Variants in ZNF264 observed in about 807,000 individuals in gnomAD.
ZNF264 encodes the protein zinc finger protein 264.
ZNF264 carries 11 observed loss-of-function variants against 11.2 expected under a neutral mutation model. The observed-to-expected ratio is 0.98, with a 90% CI of 0.62 to 1.63. ZNF264 has a LOEUF of 1.63. Among genes scored for constraint, ZNF264 ranks in the 40% most tolerant of loss-of-function variants. The pLI is 0.00. For missense variants in ZNF264, 752 were observed against 768.1 expected, an observed-to-expected ratio of 0.98 and a Z score of 0.25; for synonymous variants, 309 against 279.8, an observed-to-expected ratio of 1.10 and a Z score of -1.04.
At position 57,191,975 on chromosome 19, in the gene ZNF264, G is replaced by T. The variant is rs775545974; in HGVS notation, c.33+29G>T. On this transcript the variant is annotated intron_variant, in intron 1 of 3. Coordinates refer to ENST00000263095, the MANE Select transcript of ZNF264 (RefSeq NM_003417.5). ...AGTGGACGGTGGCTTCGCGGTTGCC[G>T]CTTCCTTGCCAGCGCTGAGGCGGTT... is the stretch of plus-strand genomic sequence containing the variant. 4 of 1,519,594 alleles carry T rather than the reference G, an allele frequency of 2.6e-6. No homozygotes were observed. The East Asian group carries it at 7.7e-5, about 29-fold the overall frequency. 94.1% of individuals were successfully genotyped at this position (1,519,594 alleles called of 1,614,324 possible). A position where few individuals can be genotyped will look rare whatever the true frequency, so the allele number is the denominator to read the frequency against.
Position 57,191,625 on chromosome 19 carries a change from A to G in ZNF264, c.-289A>G, listed in dbSNP as rs2087173150. ...ATAGGAATCCCCGCCGCACCTTTGT[A>G]CGAGCCTGACCCCTTCCGTGGGTTT... On this transcript the variant is annotated 5_prime_UTR_variant, in exon 1 of 4. Coordinates refer to ENST00000263095, the MANE Select transcript of ZNF264 (RefSeq NM_003417.5). 4 of 368,538 alleles carry G rather than the reference A, an allele frequency of 1.1e-5. No homozygotes were observed. Among genetic ancestry groups the G allele is most frequent in the Non-Finnish European group, 1.9e-5 (4 of 206,780 alleles). 22.8% of individuals were successfully genotyped at this position (368,538 alleles called of 1,614,324 possible).
At chr19:57,193,573 A>ACCATTTCC in intron 1 of ZNF264, 1 of 979,764 alleles carries the variant, frequency 1.0e-6, no homozygotes, top group African/African-American at 1.7e-5. Context: ...TGCTATTATT[A>ACCATTTCC]CCATTTCCCC....
intron 1 of ZNF264, 105 bp from the exon 2 acceptor site, chr19:57,193,770 G>C: frequency 2.7e-6 from 4 of 1,505,156 alleles, no homozygotes; most frequent in Non-Finnish European, 3.6e-6. Context: ...GAGGTGCTCT[G>C]TGATTCAGGC....
At chr19:57,192,463 C>T in intron 1 of ZNF264, 1 of 985,372 alleles carries the variant, frequency 1.0e-6, no homozygotes, top group Non-Finnish European at 1.2e-6. Flanking sequence ...TTACTCTCAT[C>T]GCTACAGCCT....
rs762694717 is a variant in ZNF264 at position 57,211,784 on chromosome 19, G to A, written c.687G>A (p.Lys229=). ...ATGAGAAAATTCACTCTGGAGTTAA[G>A]CCCTATGAATGCACAGAATGTGGGA... ...AGHEKIHSGV[K]PYECTECGKT... is the part of the protein sequence containing the mutation. The change falls in exon 4 of 4, where the codon AAG becomes AAA. Residue 229 remains lysine (K), a synonymous_variant. Coordinates refer to ENST00000263095, the MANE Select transcript of ZNF264 (RefSeq NM_003417.5). The A allele has an allele frequency of 2.5e-6, 4 of 1,614,076 alleles. No homozygotes were observed. Among genetic ancestry groups the A allele is most frequent in the Admixed American group, 3.3e-5 (2 of 59,998 alleles).
intron 2 of ZNF264, among the ~76,000 whole-genome samples, chr19:57,200,990 A>C (rs1158267955): frequency 6.6e-6 from 1 of 151,942 alleles, no homozygotes; most frequent in Admixed American, 6.5e-5. Context: ...GATTTGTTAT[A>C]AACATTAGTA....
At position 57,213,074 on chromosome 19, in the gene ZNF264, A is replaced by C; in HGVS notation, c.*93A>C. 1 of 1,299,524 alleles carries C rather than the reference A, an allele frequency of 7.7e-7. No individual in the cohort carries two copies. The highest frequency in any genetic ancestry group is 2.3e-5 in the Admixed American group (1 of 43,142). The allele number at this position is 1,299,524 out of a possible 1,614,324, so 80.5% of individuals were successfully genotyped here. ...AGCCTTATTCTCCATCTGATAATTT[A>C]TCCTGGAGAGAGACCCAGTGGTTAT... On this transcript the variant is annotated 3_prime_UTR_variant, in exon 4 of 4. Transcript: ENST00000263095.
At chr19:57,200,573 GTCT>G (rs1568473218) in intron 2 of ZNF264, among the ~76,000 whole-genome samples, 17 of 104,404 alleles carry the variant, frequency 1.6e-4, no homozygotes, top group African/African-American at 4.7e-4. Flanking sequence ...GTCTTGTCTT[GTCT>G]TGTCTTGTCT....
Position 57,214,680 on chromosome 19 carries a change from T to C in ZNF264, c.*1699T>C, listed in dbSNP as rs955832858. 4 of 152,212 alleles carry C rather than the reference T, an allele frequency of 2.6e-5. No individual in the cohort carries two copies. The highest frequency in any genetic ancestry group is 9.6e-5 in the African/African-American group (4 of 41,456). 9.4% of individuals were successfully genotyped at this position (152,212 alleles called of 1,614,324 possible). On this transcript the variant is annotated 3_prime_UTR_variant, in exon 4 of 4. Transcript: ENST00000263095. Reference sequence around the variant, plus strand: ...TTCAGTTTTTCATCATGAAGTATAATGTAAGTTTTATAAAACATATGTCCT... The same window carrying C: ...TTCAGTTTTTCATCATGAAGTATAACGTAAGTTTTATAAAACATATGTCCT...
rs1341177896 is a variant in ZNF264, at chr19:57,201,556, AGC to A, written c.161-3840_161-3839del. Among the ~76,000 whole-genome samples, 32 of 151,988 alleles carry A rather than the reference AGC, an allele frequency of 2.1e-4. 2 individuals carry two copies. The highest frequency in any genetic ancestry group is 7.8e-4 in the African/African-American group (32 of 41,260). The stretch of plus-strand genomic sequence containing the variant: ...CTCACTACCTTTTGTGAGGAGCCTC[AGC>A]CTTGTATATTACCCCGTAAACCAAC... On this transcript the variant is annotated intron_variant, in intron 2 of 3. Transcript: ENST00000263095.
At chr19:57,192,290 A>G in intron 1 of ZNF264, 1 of 970,776 alleles carries the variant, frequency 1.0e-6, no homozygotes, top group Non-Finnish European at 1.2e-6. Flanking sequence ...ATGCGCGAGC[A>G]GAGACAAGGT....
Position 57,212,686 on chromosome 19 carries a change from C to G in ZNF264, c.1589C>G (p.Ala530Gly). Residue 530 changes from alanine (A) to glycine (G), a missense_variant, in exon 4 of 4, where the codon GCC becomes GGC. Physicochemically the swap from Ala to Gly is moderately conservative, Grantham distance 60. Coordinates refer to ENST00000263095, the MANE Select transcript of ZNF264 (RefSeq NM_003417.5). ...TGGAGCACAAACCTCATTCGACATG[C>G]CATTATCCACACTGGAGAGAAGCCC... The part of the protein sequence containing the change: ...FCWSTNLIRH[A>G]IIHTGEKPYK... The G allele has an allele frequency of 9.3e-6, 15 of 1,611,870 alleles. No homozygotes were observed. The highest frequency in any genetic ancestry group is 1.3e-5 in the Non-Finnish European group (15 of 1,179,374).
Position 57,213,104 on chromosome 19 carries a change from C to T in ZNF264, c.*123C>T. The T allele has an allele frequency of 1.1e-6, 1 of 930,022 alleles. No individual in the cohort carries two copies. The highest frequency in any genetic ancestry group is 1.6e-6 in the Non-Finnish European group (1 of 641,532). 57.6% of individuals were successfully genotyped at this position (930,022 alleles called of 1,614,324 possible). ...GGAGAGAGACCCAGTGGTTATTGTG[C>T]ACATAGGAGAACCTTCAGCTGCATC... On this transcript the variant is annotated 3_prime_UTR_variant, in exon 4 of 4. Transcript: ENST00000263095.
Position 57,193,899 on chromosome 19 carries a change from G to A in ZNF264, c.58G>A (p.Ala20Thr). 2.5e-6 allele frequency: 4 copies of A among 1,614,092 alleles called. No individual in the cohort carries two copies. The highest frequency in any genetic ancestry group is 3.4e-6 in the Non-Finnish European group (4 of 1,179,990). Residue 20 changes from alanine (A) to threonine (T), a missense_variant, in exon 2 of 4, where the codon GCT becomes ACT. Physicochemically the swap from Ala to Thr is moderately conservative, Grantham distance 58. Coordinates refer to ENST00000263095, the MANE Select transcript of ZNF264 (RefSeq NM_003417.5). ...AQVSVTFDDV[A>T]VTFTKEEWGQ... ...GGTGTCTGTGACCTTTGATGATGTG[G>A]CTGTGACTTTCACCAAGGAGGAGTG...
Position 57,215,865 on chromosome 19 carries a change from T to G in ZNF264, c.*2884T>G, listed in dbSNP as rs536500688. 6.6e-6 allele frequency: 1 copy of G among 152,340 alleles called. No homozygotes were observed. Among genetic ancestry groups the G allele is most frequent in the African/African-American group, 2.4e-5 (1 of 41,584 alleles). 9.4% of individuals were successfully genotyped at this position (152,340 alleles called of 1,614,324 possible). A position where few individuals can be genotyped will look rare whatever the true frequency, so the allele number is the denominator to read the frequency against. On this transcript the variant is annotated 3_prime_UTR_variant, in exon 4 of 4. Transcript: ENST00000263095. ...TGTTTGATCTGACTGTTTAAATGTG[T>G]TAACATTTTTTTATGACCCAGGATA...
At position 57,212,030 on chromosome 19, in the gene ZNF264, A is replaced by G; in HGVS notation, c.933A>G (p.Gly311=). 1 of 1,614,056 alleles carries G rather than the reference A, an allele frequency of 6.2e-7. No homozygotes were observed. The highest frequency in any genetic ancestry group is 1.1e-5 in the South Asian group (1 of 91,082). ...NFVLHNRRHT[G]EKSFVCTECG... ...TCTTGCATAACAGGAGACACACTGG[A>G]GAAAAATCCTTTGTGTGCACAGAAT... Residue 311 remains glycine, a synonymous_variant, in exon 4 of 4, where the codon GGA becomes GGG. Transcript: ENST00000263095.
rs901915890 is a variant in ZNF264, at chr19:57,220,031, A to G, written c.*7050A>G. The G allele has an allele frequency of 6.6e-6, 1 of 152,216 alleles. No homozygotes were observed. Among genetic ancestry groups the G allele is most frequent in the Admixed American group, 6.5e-5 (1 of 15,276 alleles). The allele number at this position is 152,216 out of a possible 1,614,324, so 9.4% of individuals were successfully genotyped here. A position where few individuals can be genotyped will look rare whatever the true frequency, so the allele number is the denominator to read the frequency against. ...TTACAGCATCTGTGTGTGGTAGGTA[A>G]TGTTGTTTCCTTCATTTTGCAGAGC... On this transcript the variant is annotated 3_prime_UTR_variant, in exon 4 of 4. Coordinates refer to ENST00000263095, the MANE Select transcript of ZNF264 (RefSeq NM_003417.5).
rs1269026149 is a variant in ZNF264, at chr19:57,191,686, C to T, written c.-228C>T. ...CGCCGTCAAGCTGCGGTCTCTCCTC[C>T]CCCGCCCTTCAGCCCCGCGGTCTCC... On this transcript the variant is annotated 5_prime_UTR_variant, in exon 1 of 4. Coordinates refer to ENST00000263095, the MANE Select transcript of ZNF264 (RefSeq NM_003417.5). 8 of 399,880 alleles carry T rather than the reference C, an allele frequency of 2.0e-5. No homozygotes were observed. Among genetic ancestry groups the T allele is most frequent in the Non-Finnish European group, 3.1e-5 (7 of 226,690 alleles). The allele number at this position is 399,880 out of a possible 1,614,324, so 24.8% of individuals were successfully genotyped here. A position where few individuals can be genotyped will look rare whatever the true frequency, so the allele number is the denominator to read the frequency against.
In ZNF264 at chr19:57,211,858, C is replaced by G. The variant is rs2087339091; in HGVS notation, c.761C>G (p.Thr254Ser). The change falls in exon 4 of 4, where the codon ACT becomes AGT. Residue 254 changes from threonine to serine, a missense_variant. Physicochemically the swap from Thr to Ser is moderately conservative, Grantham distance 58 (BLOSUM62 1). Coordinates refer to ENST00000263095, the MANE Select transcript of ZNF264 (RefSeq NM_003417.5). Reference protein sequence around the residue: ...THLLQHHMIHTGERPYECMEC... With the variant: ...THLLQHHMIHSGERPYECMEC... ...CTCCTGCAACATCACATGATCCACACTGGGGAGAGGCCCTATGAGTGCATG... is the reference window on the plus strand; with the variant it reads ...CTCCTGCAACATCACATGATCCACAGTGGGGAGAGGCCCTATGAGTGCATG... 5 of 1,614,222 alleles carry G rather than the reference C, an allele frequency of 3.1e-6. No homozygotes were observed. The South Asian group carries it at 5.5e-5, about 18-fold the overall frequency.
Sources: gnomAD v4.1 joint callset for allele counts (sites outside exome capture counted in the v4.1 genomes callset) on GRCh38, gnomAD v4.1.1 for gene constraint, MANE v1.5 for transcripts, NCBI Gene and HGNC (gene_info 2026-07-23, HGNC 2026-07-21) for gene names.